TAFA1: variants seen among roughly 807,000 people sequenced by gnomAD.
TAFA1 encodes the protein TAFA chemokine like family member 1.
Under a neutral mutation model 18.5 loss-of-function variants are expected in TAFA1, and 4 were observed. The ratio of observed to expected loss-of-function variants is 0.22; its 90% CI spans 0.11 to 0.49. The LOEUF (loss-of-function observed/expected upper bound fraction) is 0.49, where lower values mean the gene tolerates loss of function less well. Among genes scored for constraint, TAFA1 ranks in the 20% least tolerant of loss-of-function variants. The pLI, the probability that TAFA1 is intolerant of heterozygous loss-of-function variation, is 0.98. For missense variants in TAFA1, 147 were observed against 169.0 expected (o/e 0.87, Z 0.72); for synonymous variants, 56 against 55.2 (o/e 1.01, Z -0.06).
At chr3:68,131,491 C>T (rs988450750) in intron 2 of TAFA1, among the ~76,000 whole-genome samples, 13 of 152,148 alleles carry the variant, frequency 8.5e-5, no homozygotes, top group African/African-American at 2.9e-4. Flanking sequence ...TTTAGACTCC[C>T]CACTGCCATG....
rs375044250 is a variant in TAFA1 at position 68,401,417 on chromosome 3, A to G, written c.119-15863A>G. On this transcript the variant is annotated intron_variant, in intron 2 of 4. Coordinates refer to ENST00000478136, the MANE Select transcript of TAFA1 (RefSeq NM_213609.4). ...TCGCAGAAAATCTCATTCAAACTCA[A>G]TCAAGAGAAAAACGCATTGACTGGC... Among the ~76,000 whole-genome samples the G allele has an allele frequency of 1.1e-4, 17 of 152,282 alleles. No homozygotes were observed. In the East Asian group the frequency reaches 3.3e-3, roughly 29 times the overall value.
intron 2 of TAFA1, among the ~76,000 whole-genome samples, chr3:68,297,736 A>AT (rs374934858): frequency 1.4e-3 from 199 of 145,704 alleles, no homozygotes; most frequent in South Asian, 1.8e-3. Flanking sequence ...CTGATCATTC[A>AT]TTTTTTTTTT....
chr3:68,011,876 T>G (rs1481128018), intron 2 of TAFA1, among the ~76,000 whole-genome samples: 1 of 152,212 alleles, frequency 6.6e-6, no homozygotes, highest in Non-Finnish European at 1.5e-5. Flanking sequence ...CAAATACAGA[T>G]GCAAATAAAT....
At chr3:68,408,058 C>CA (rs2070644114) in intron 2 of TAFA1, among the ~76,000 whole-genome samples, 1 of 151,916 alleles carries the variant, frequency 6.6e-6, no homozygotes. Context: ...TGATGAATTC[C>CA]AAAAAAGCTA....
At chr3:68,057,808 G>A (rs143964056) in intron 2 of TAFA1, among the ~76,000 whole-genome samples, 321 of 152,276 alleles carry the variant, frequency 2.1e-3, no homozygotes, top group African/African-American at 7.5e-3. Context: ...GGGTGGAGTG[G>A]CACAATGGTT....
At chr3:68,315,125 C>T (rs191642399) in intron 2 of TAFA1, among the ~76,000 whole-genome samples, 1 of 152,184 alleles carries the variant, frequency 6.6e-6, no homozygotes, top group African/African-American at 2.4e-5. Context: ...GAAAGGTTAG[C>T]TCTTCTCTTC....
At chr3:68,112,812 TATA>T (rs2065276831) in intron 2 of TAFA1, among the ~76,000 whole-genome samples, 1 of 152,244 alleles carries the variant, frequency 6.6e-6, no homozygotes, top group African/African-American at 2.4e-5. Context: ...AAATACCGTT[TATA>T]ATATTATCAA....
At chr3:68,480,944 C>T (rs959401876) in intron 3 of TAFA1, among the ~76,000 whole-genome samples, 4 of 152,092 alleles carry the variant, frequency 2.6e-5, no homozygotes, top group African/African-American at 9.7e-5. Context: ...TAAGGGGCAA[C>T]CCGTTTTGCT....
chr3:68,228,744 G>A (rs2066834328), intron 2 of TAFA1, among the ~76,000 whole-genome samples: 1 of 152,176 alleles, frequency 6.6e-6, no homozygotes, highest in Non-Finnish European at 1.5e-5. Flanking sequence ...TTGCTTCTTA[G>A]TAAAACCAGC....
At chr3:68,145,719 G>T in intron 2 of TAFA1, 2 of 730,096 alleles carry the variant, frequency 2.7e-6, no homozygotes, top group Non-Finnish European at 4.9e-6. Flanking sequence ...TCAATTTATT[G>T]GATGGCTTAA....
chr3:68,081,847 C>T (rs1000503728), intron 2 of TAFA1, among the ~76,000 whole-genome samples: 9 of 152,214 alleles, frequency 5.9e-5, no homozygotes, highest in African/African-American at 1.7e-4. Flanking sequence ...CCACCCAGTT[C>T]GAGCTTCCTG....
intron 3 of TAFA1, among the ~76,000 whole-genome samples, chr3:68,474,897 G>A (rs192785554): frequency 5.3e-5 from 8 of 152,178 alleles, no homozygotes; most frequent in Admixed American, 4.6e-4. Context: ...ACATTAGAGT[G>A]GCTTTGTTTT....
chr3:67,992,946 G>T, the TAFA1 span, among the ~76,000 whole-genome samples: 2 of 152,198 alleles, frequency 1.3e-5, no homozygotes. Flanking sequence ...ACAGAGCATG[G>T]GAATTCCCGA....
chr3:68,202,382 A>G (rs1315919750), intron 2 of TAFA1, among the ~76,000 whole-genome samples: 1 of 151,676 alleles, frequency 6.6e-6, no homozygotes. Context: ...TTTCATTAAT[A>G]TGTACCATAT....
At chr3:68,447,167 A>G (rs1274120361) in intron 3 of TAFA1, among the ~76,000 whole-genome samples, 1 of 152,206 alleles carries the variant, frequency 6.6e-6, no homozygotes, top group Admixed American at 6.6e-5. Context: ...TGTGCCATGT[A>G]TTATTGTAGG....
intron 2 of TAFA1, among the ~76,000 whole-genome samples, chr3:68,023,889 T>C (rs1314067304): frequency 1.3e-5 from 2 of 152,158 alleles, no homozygotes; most frequent in Admixed American, 1.3e-4. Context: ...TCTTTCCTTT[T>C]CTCCATCAAA....
chr3:68,143,877 C>T (rs751685796), intron 2 of TAFA1, among the ~76,000 whole-genome samples: 6 of 152,146 alleles, frequency 3.9e-5, no homozygotes, highest in Non-Finnish European at 8.8e-5. Context: ...TACCCATAAC[C>T]TAGTTTGGTT....
At chr3:68,273,860 A>G (rs1012660969) in intron 2 of TAFA1, among the ~76,000 whole-genome samples, 1 of 152,146 alleles carries the variant, frequency 6.6e-6, no homozygotes, top group Non-Finnish European at 1.5e-5. Context: ...ACTCAGTTTC[A>G]CTGTCCGTAA....
chr3:68,144,277 A>C (rs1453917055), intron 2 of TAFA1, among the ~76,000 whole-genome samples: 1 of 152,198 alleles, frequency 6.6e-6, no homozygotes, highest in Non-Finnish European at 1.5e-5. Flanking sequence ...GGGCTGGCCA[A>C]CTGAGGTATG....
Sources: gnomAD v4.1 joint callset for allele counts (sites outside exome capture counted in the v4.1 genomes callset) on GRCh38, gnomAD v4.1.1 for gene constraint, MANE v1.5 for transcripts, NCBI Gene and HGNC (gene_info 2026-07-23, HGNC 2026-07-21) for gene names.